Variants in DTNB observed in about 807,000 individuals in gnomAD.
DTNB encodes DTN-B.
A neutral mutation model predicts 90.7 loss-of-function variants in DTNB; 63 were observed. That is an observed-to-expected ratio of 0.69 (90% CI 0.57 to 0.86). DTNB has a LOEUF of 0.86. Ranked by LOEUF, DTNB falls within the 40% of genes least tolerant of loss-of-function variation. DTNB has a pLI of 0.00. For synonymous variants in DTNB, 277 were observed against 286.7 expected (o/e 0.97, Z 0.34); for missense variants, 744 against 807.1 (o/e 0.92, Z 0.95).
chr2:25,394,174 G>A (rs1406091037), intron 16 of DTNB, among the ~76,000 whole-genome samples: 2 of 152,164 alleles, frequency 1.3e-5, no homozygotes, highest in African/African-American at 2.4e-5. Flanking sequence ...AAATGATGCT[G>A]AGATAACTGG....
At chr2:25,525,624 G>A (rs1477180025) in intron 9 of DTNB, among the ~76,000 whole-genome samples, 2 of 149,108 alleles carry the variant, frequency 1.3e-5, no homozygotes, top group Admixed American at 6.7e-5. Context: ...CAACAAGAGC[G>A]AAATTCCGTC....
Position 25,621,887 on chromosome 2 carries a change from A to C in DTNB, c.362+6284T>G, listed in dbSNP as rs540637636. On this transcript the variant is annotated intron_variant, in intron 4 of 20. Transcript: ENST00000406818. The stretch of plus-strand genomic sequence containing the variant: ...TCTTTCGATTGTTCAAATTAGCAAG[A>C]ATGTTTTCTACTGAGTGTTATTGTA... 9.2e-5 allele frequency among the ~76,000 whole-genome samples: 14 copies of C among 152,200 alleles called. No homozygotes were observed. The East Asian group carries it at 2.5e-3, about 27-fold the overall frequency.
rs1406166110 is a variant in DTNB at position 25,416,186 on chromosome 2, C to A, written c.1575+3329G>T. Among the ~76,000 whole-genome samples, 6 of 152,246 alleles carry A rather than the reference C, an allele frequency of 3.9e-5. No individual in the cohort carries two copies. In the East Asian group the frequency reaches 1.2e-3, roughly 29 times the overall value. ...GAACTGAATTTTTTGGTGTAAGAAACCTACACATTTGGTGTCAGAGTGTTA... is the reference window on the plus strand; with the variant it reads ...GAACTGAATTTTTTGGTGTAAGAAAACTACACATTTGGTGTCAGAGTGTTA... On this transcript the variant is annotated intron_variant, in intron 16 of 20. Coordinates refer to ENST00000406818, the MANE Select transcript of DTNB (RefSeq NM_021907.5).
intron 9 of DTNB, among the ~76,000 whole-genome samples, 164 bp downstream of exon 9, chr2:25,531,308 GT>G (rs1169280227): frequency 1.3e-5 from 2 of 152,188 alleles, no homozygotes; most frequent in African/African-American, 4.8e-5. Flanking sequence ...ACACTTAACG[GT>G]GATTTACAGA....
intron 2 of DTNB, among the ~76,000 whole-genome samples, chr2:25,642,154 T>C (rs552637490): frequency 1.3e-5 from 2 of 152,086 alleles, no homozygotes; most frequent in South Asian, 4.2e-4. Flanking sequence ...ATATAAATAA[T>C]ACAAGTGAGA....
chr2:25,419,370 A>G, intron 16 of DTNB, 145 bp downstream of exon 16: 1 of 1,296,966 alleles, frequency 7.7e-7, no homozygotes, highest in Non-Finnish European at 1.1e-6. Flanking sequence ...ATTTTACAAC[A>G]CCATGGGGAG....
Position 25,628,239 on chromosome 2 carries a change from A to G in DTNB, c.294T>C (p.Ser98=). The part of the protein sequence containing the change: ...IYYQLNKRLP[S]THQISVEQSI... Reference sequence around the variant, plus strand: ...ATTGTTCCACACTAATTTGGTGAGTAGAAGGAAGGCGCTTGTTCAACTGAT... The same window carrying G: ...ATTGTTCCACACTAATTTGGTGAGTGGAAGGAAGGCGCTTGTTCAACTGAT... The change falls in exon 4 of 21, where the codon TCT becomes TCC. Residue 98 remains serine (S), a synonymous_variant. Coordinates refer to ENST00000406818, the MANE Select transcript of DTNB (RefSeq NM_021907.5). The G allele has an allele frequency of 1.2e-6, 2 of 1,613,898 alleles. No homozygotes were observed. The highest frequency in any genetic ancestry group is 1.7e-6 in the Non-Finnish European group (2 of 1,179,882).
At chr2:25,397,843 G>GCC (rs1460367156) in intron 16 of DTNB, among the ~76,000 whole-genome samples, 4 of 136,280 alleles carry the variant, frequency 2.9e-5, no homozygotes, top group Non-Finnish European at 6.0e-5. Flanking sequence ...TCCTGCCACT[G>GCC]CCCTCCAGCC....
At chr2:25,378,207 G>A (rs936136686) in intron 20 of DTNB, among the ~76,000 whole-genome samples, 8 of 152,214 alleles carry the variant, frequency 5.3e-5, no homozygotes, top group African/African-American at 1.9e-4. Context: ...TCCCTCCTCG[G>A]CTGCCACGGC....
chr2:25,669,739 G>T (rs896179265), intron 1 of DTNB, among the ~76,000 whole-genome samples: 2 of 152,176 alleles, frequency 1.3e-5, no homozygotes, highest in African/African-American at 2.4e-5. Flanking sequence ...TAATCCCAAC[G>T]CTTTGGGAGG....
intron 9 of DTNB, among the ~76,000 whole-genome samples, chr2:25,527,977 T>C (rs893366462): frequency 6.6e-6 from 1 of 152,156 alleles, no homozygotes; most frequent in Non-Finnish European, 1.5e-5. Context: ...ACAGGCCAGT[T>C]TCACTCAAAA....
intron 16 of DTNB, among the ~76,000 whole-genome samples, chr2:25,412,050 T>C (rs1262061346): frequency 6.6e-6 from 1 of 152,224 alleles, no homozygotes; most frequent in Non-Finnish European, 1.5e-5. Flanking sequence ...ATCTCTTTAA[T>C]GGCCAAAGAG....
chr2:25,470,730 T>G (rs575354886), intron 10 of DTNB, among the ~76,000 whole-genome samples: 1 of 152,242 alleles, frequency 6.6e-6, no homozygotes, highest in South Asian at 2.1e-4. Flanking sequence ...GTTATAGCAA[T>G]GTAAACACAT....
intron 10 of DTNB, among the ~76,000 whole-genome samples, chr2:25,465,244 C>T (rs768520739): frequency 2.6e-5 from 4 of 151,824 alleles, no homozygotes; most frequent in Non-Finnish European, 4.4e-5. Context: ...GGCGTGGTGG[C>T]GGGCGCCTGT....
chr2:25,591,186 A>C (rs1287903667), intron 6 of DTNB, among the ~76,000 whole-genome samples: 1 of 152,206 alleles, frequency 6.6e-6, no homozygotes, highest in African/African-American at 2.4e-5. Flanking sequence ...GACACCTCCA[A>C]GCCTGCAGGG....
Position 25,455,472 on chromosome 2 carries a change from G to C in DTNB, c.1102C>G (p.Pro368Ala). 2 of 1,606,794 alleles carry C rather than the reference G, an allele frequency of 1.2e-6. No homozygotes were observed. Among genetic ancestry groups the C allele is most frequent in the African/African-American group, 1.3e-5 (1 of 74,870 alleles). Residue 368 changes from proline (P) to alanine (A), a missense_variant, in exon 11 of 21, where the codon CCC becomes GCC. Pro to Ala is a conservative substitution (Grantham distance 27). Transcript: ENST00000406818. ...GCATGCTCATCGGCCAAGTGACTGG[G>C]TATATCCTGGCTATACTGTAACCTA... ...TKRLQYSQDIPSHLADEHALI... is the reference protein window; with the variant it reads ...TKRLQYSQDIASHLADEHALI...
intron 12 of DTNB, among the ~76,000 whole-genome samples, chr2:25,442,647 T>G (rs1274182392): frequency 6.6e-6 from 1 of 152,172 alleles, no homozygotes; most frequent in African/African-American, 2.4e-5. Flanking sequence ...CCAAAAACAT[T>G]GGTTATGTAA....
In DTNB at chr2:25,456,633, CATG is replaced by C. The variant is rs570225263; in HGVS notation, c.1080-1142_1080-1140del. Among the ~76,000 whole-genome samples the C allele has an allele frequency of 5.2e-4, 79 of 152,170 alleles. 1 individual carries two copies. Among genetic ancestry groups the C allele is most frequent in the Non-Finnish European group, 9.3e-4 (63 of 68,010 alleles). On this transcript the variant is annotated intron_variant, in intron 10 of 20. Coordinates refer to ENST00000406818, the MANE Select transcript of DTNB (RefSeq NM_021907.5). ...TGTCTCCCAGGCTAGAGTGCAATGG[CATG>C]ATCTCGGGTCACTGCAACCTCTGCC...
At chr2:25,501,812 T>C (rs1249062562) in intron 9 of DTNB, among the ~76,000 whole-genome samples, 1 of 152,184 alleles carries the variant, frequency 6.6e-6, no homozygotes, top group Non-Finnish European at 1.5e-5. Context: ...GAATCCTGAG[T>C]ATTAAATTAA....
Sources: gnomAD v4.1 joint callset for allele counts (sites outside exome capture counted in the v4.1 genomes callset) on GRCh38, gnomAD v4.1.1 for gene constraint, MANE v1.5 for transcripts, NCBI Gene and HGNC (gene_info 2026-07-23, HGNC 2026-07-21) for gene names.